Variants in NCKAP5 observed in about 807,000 individuals in gnomAD.
NCKAP5 encodes NCK associated protein 5, also known as nck-associated protein 5.
In NCKAP5, 92 loss-of-function variants were observed where a neutral mutation model predicts 167.0. The ratio of observed to expected loss-of-function variants is 0.55; its 90% CI spans 0.47 to 0.66. The LOEUF (loss-of-function observed/expected upper bound fraction) is 0.66, where lower values mean the gene tolerates loss of function less well. Ranked by LOEUF, NCKAP5 falls within the 30% of genes least tolerant of loss-of-function variation. The probability of loss-of-function intolerance (pLI) is 0.00; values close to 1 mark genes in which losing one functional copy is unlikely to be tolerated. For missense variants in NCKAP5, 2,378 were observed against 2,315.0 expected, an observed-to-expected ratio of 1.03 and a Z score of -0.56; for synonymous variants, 891 against 877.4, an observed-to-expected ratio of 1.02 and a Z score of -0.27.
chr2:132,975,785 GAA>G (rs1221004304), intron 7 of NCKAP5, among the ~76,000 whole-genome samples: 1 of 135,608 alleles, frequency 7.4e-6, no homozygotes, highest in South Asian at 2.3e-4. Context: ...AAGAGTCAGA[GAA>G]AAAAAAAAAA....
chr2:132,974,654 A>G (rs2076926455), intron 7 of NCKAP5, among the ~76,000 whole-genome samples: 1 of 152,218 alleles, frequency 6.6e-6, no homozygotes, highest in Non-Finnish European at 1.5e-5. Flanking sequence ...GTACAGATCT[A>G]TCCCTAACGG....
intron 19 of NCKAP5, among the ~76,000 whole-genome samples, chr2:132,714,481 G>A (rs11686423): frequency 0.45 from 67,838 of 151,938 alleles, 16,089 homozygotes; most frequent in East Asian, 0.65. Context: ...TGGTTGATGC[G>A]ACTAATGCTC....
chr2:132,801,611 A>G (rs1685042097), intron 11 of NCKAP5, among the ~76,000 whole-genome samples: 1 of 152,192 alleles, frequency 6.6e-6, no homozygotes, highest in South Asian at 2.1e-4. Flanking sequence ...ATCACAATTT[A>G]TAACAGAACG....
intron 5 of NCKAP5, among the ~76,000 whole-genome samples, chr2:133,183,467 C>T (rs2150045029): frequency 6.6e-6 from 1 of 152,114 alleles, no homozygotes; most frequent in African/African-American, 2.4e-5. Context: ...TATCAACAGT[C>T]TAAAAAAATC....
intron 3 of NCKAP5, among the ~76,000 whole-genome samples, chr2:133,331,274 G>T (rs961217065): frequency 2.0e-5 from 3 of 152,260 alleles, no homozygotes; most frequent in Non-Finnish European, 2.9e-5. Flanking sequence ...GGAGAGGGTA[G>T]AAGATGAATA....
chr2:133,027,875 C>T (rs7572006), intron 6 of NCKAP5, among the ~76,000 whole-genome samples: 2 of 151,936 alleles, frequency 1.3e-5, no homozygotes, highest in Non-Finnish European at 2.9e-5. Context: ...TGAGTTTCTA[C>T]TTGCATGTTA....
In NCKAP5 at chr2:132,783,253, G is replaced by A. The variant is rs1182602999; in HGVS notation, c.3558C>T (p.Asn1186=). The part of the protein sequence containing the change: ...NEASKSSVAV[N]KSKPEDSKNP... The stretch of plus-strand genomic sequence containing the variant: ...TCTTGGAGTCCTCTGGCTTAGACTT[G>A]TTCACAGCCACGGAACTTTTGGAGG... Residue 1186 remains asparagine, a synonymous_variant, in exon 14 of 20, where the codon AAC becomes AAT. Coordinates refer to ENST00000409261, the MANE Select transcript of NCKAP5 (RefSeq NM_207363.3). 6.8e-6 allele frequency: 11 copies of A among 1,613,818 alleles called. No individual in the cohort carries two copies. Among genetic ancestry groups the A allele is most frequent in the Non-Finnish European group, 9.3e-6 (11 of 1,179,894 alleles).
chr2:133,404,636 G>GT (rs1688310187), intron 3 of NCKAP5, among the ~76,000 whole-genome samples: 1 of 152,178 alleles, frequency 6.6e-6, no homozygotes, highest in South Asian at 2.1e-4. Context: ...GTGAAACTAG[G>GT]TAAGCGAGGA....
At chr2:133,153,808 G>A (rs2083466530) in intron 5 of NCKAP5, among the ~76,000 whole-genome samples, 1 of 149,154 alleles carries the variant, frequency 6.7e-6, no homozygotes, top group Admixed American at 6.7e-5. Flanking sequence ...CATCTTCCGA[G>A]GCCCACTTCA....
At chr2:132,991,353 G>A (rs2077442222) in intron 7 of NCKAP5, among the ~76,000 whole-genome samples, 1 of 152,114 alleles carries the variant, frequency 6.6e-6, no homozygotes, top group South Asian at 2.1e-4. Context: ...TTGAAATCAT[G>A]CAAATTCCCC....
intron 3 of NCKAP5, among the ~76,000 whole-genome samples, chr2:133,499,713 C>G (rs1248068085): frequency 6.6e-6 from 1 of 152,128 alleles, no homozygotes. Context: ...GCACCCATGA[C>G]CACGCACAGC....
At chr2:133,070,101 C>T (rs1448209331) in intron 6 of NCKAP5, among the ~76,000 whole-genome samples, 1 of 152,050 alleles carries the variant, frequency 6.6e-6, no homozygotes, top group Non-Finnish European at 1.5e-5. Context: ...AACTGATATT[C>T]ATGTATGGAG....
chr2:133,293,589 A>G (rs540306616), intron 4 of NCKAP5, among the ~76,000 whole-genome samples: 2 of 152,132 alleles, frequency 1.3e-5, no homozygotes, highest in East Asian at 3.9e-4. Flanking sequence ...AAGCCTGAAC[A>G]CTCCCTTGCT....
intron 11 of NCKAP5, among the ~76,000 whole-genome samples, chr2:132,851,856 G>A (rs1288020424): frequency 6.6e-6 from 1 of 152,198 alleles, no homozygotes; most frequent in Non-Finnish European, 1.5e-5. Context: ...CTCGTGGTAA[G>A]AGAGGTGACA....
At chr2:132,737,713 T>A (rs1256256866) in intron 16 of NCKAP5, among the ~76,000 whole-genome samples, 1 of 152,200 alleles carries the variant, frequency 6.6e-6, no homozygotes, top group Non-Finnish European at 1.5e-5. Flanking sequence ...CTTTGAGGAC[T>A]AGAAACAAAG....
chr2:133,292,050 A>T (rs1289845699), intron 4 of NCKAP5, among the ~76,000 whole-genome samples: 3 of 152,178 alleles, frequency 2.0e-5, no homozygotes, highest in Non-Finnish European at 4.4e-5. Flanking sequence ...ACTCCCTCTC[A>T]GGCCTCTGAA....
Position 133,093,752 on chromosome 2 carries a change from A to G in NCKAP5, c.341+36226T>C, listed in dbSNP as rs911790596. 3.5e-4 allele frequency among the ~76,000 whole-genome samples: 53 copies of G among 152,322 alleles called. No homozygotes were observed. The East Asian group carries it at 5.0e-3, about 14-fold the overall frequency. ...TTTGCAAAGAAAATAGTTCCCATTC[A>G]TTTACTATTTGATAGAGGAGAAGGG... is the stretch of plus-strand genomic sequence containing the variant. On this transcript the variant is annotated intron_variant, in intron 6 of 19. Coordinates refer to ENST00000409261, the MANE Select transcript of NCKAP5 (RefSeq NM_207363.3).
chr2:133,513,478 T>C (rs894430630), intron 3 of NCKAP5, among the ~76,000 whole-genome samples: 9 of 152,274 alleles, frequency 5.9e-5, no homozygotes, highest in East Asian at 1.9e-4. Flanking sequence ...CCAGGGATGA[T>C]TGGCCAGGTA....
intron 7 of NCKAP5, among the ~76,000 whole-genome samples, chr2:132,979,671 A>C (rs1433652956): frequency 6.6e-6 from 1 of 152,188 alleles, no homozygotes; most frequent in Non-Finnish European, 1.5e-5. Flanking sequence ...CAGAATACCC[A>C]TAGTCCTCTG....
Sources: gnomAD v4.1 joint callset for allele counts (sites outside exome capture counted in the v4.1 genomes callset) on GRCh38, gnomAD v4.1.1 for gene constraint, MANE v1.5 for transcripts, NCBI Gene and HGNC (gene_info 2026-07-23, HGNC 2026-07-21) for gene names.